NELL2: variants seen among roughly 807,000 people sequenced by gnomAD.
NELL2 encodes the protein protein kinase C-binding protein NELL2.
NELL2 carries 41 observed loss-of-function variants against 109.6 expected under a neutral mutation model. The ratio of observed to expected loss-of-function variants is 0.37; its 90% CI spans 0.29 to 0.49. NELL2 has a LOEUF of 0.49. Among genes scored for constraint, NELL2 ranks in the 20% least tolerant of loss-of-function variants. The probability of loss-of-function intolerance (pLI) is 0.98; values close to 1 mark genes in which losing one functional copy is unlikely to be tolerated. For missense variants in NELL2, 900 were observed against 1,008.3 expected, an observed-to-expected ratio of 0.89 and a Z score of 1.45; for synonymous variants, 355 against 344.7, an observed-to-expected ratio of 1.03 and a Z score of -0.33.
intron 18 of NELL2, among the ~76,000 whole-genome samples, chr12:44,520,736 A>G (rs1229390570): frequency 1.3e-5 from 2 of 151,262 alleles, no homozygotes; most frequent in East Asian, 1.9e-4. Flanking sequence ...AGAGACTTTG[A>G]AAAAAAAAGA....
chr12:44,687,985 T>A (rs181279231), intron 12 of NELL2, among the ~76,000 whole-genome samples: 47 of 152,320 alleles, frequency 3.1e-4, no homozygotes, highest in African/African-American at 1.1e-3. Flanking sequence ...TGCTTAATTC[T>A]AAGCAATTTC....
chr12:44,886,217 T>C (rs904045079), intron 1 of NELL2, among the ~76,000 whole-genome samples: 5 of 151,870 alleles, frequency 3.3e-5, no homozygotes, highest in Non-Finnish European at 7.4e-5. Flanking sequence ...TATAAGCTTA[T>C]GTGTAAAAGC....
intron 3 of NELL2, among the ~76,000 whole-genome samples, chr12:44,784,239 C>T (rs1942075833): frequency 6.6e-6 from 1 of 152,038 alleles, no homozygotes; most frequent in South Asian, 2.1e-4. Flanking sequence ...TGCTTTCTCT[C>T]TAACATCAGA....
intron 1 of NELL2, among the ~76,000 whole-genome samples, chr12:44,901,041 C>G (rs951598647): frequency 6.6e-6 from 1 of 151,842 alleles, no homozygotes; most frequent in Admixed American, 6.6e-5. Context: ...CAAGAAATAA[C>G]TAAGATCAGA....
At chr12:44,798,242 A>G (rs1376076760) in intron 3 of NELL2, among the ~76,000 whole-genome samples, 1 of 151,818 alleles carries the variant, frequency 6.6e-6, no homozygotes, top group Non-Finnish European at 1.5e-5. Context: ...TTTCAAATCT[A>G]TAAGGTATAA....
intron 3 of NELL2, among the ~76,000 whole-genome samples, chr12:44,784,512 C>G (rs569496546): frequency 5.5e-4 from 84 of 152,184 alleles, no homozygotes; most frequent in African/African-American, 1.8e-3. Context: ...AAGAAGGACT[C>G]CTCCCTAACT....
At chr12:44,553,269 T>C (rs10785502) in intron 15 of NELL2, among the ~76,000 whole-genome samples, 26 of 55,562 alleles carry the variant, frequency 4.7e-4, no homozygotes, top group East Asian at 9.2e-4. Context: ...TAAAGTATAA[T>C]AATAATAATA....
intron 12 of NELL2, among the ~76,000 whole-genome samples, chr12:44,687,411 C>G (rs891347416): frequency 6.6e-6 from 1 of 152,160 alleles, no homozygotes; most frequent in African/African-American, 2.4e-5. Flanking sequence ...TGTTCCTATT[C>G]GGCCATCTTG....
chr12:44,622,472 T>C (rs1946095257), intron 13 of NELL2, among the ~76,000 whole-genome samples: 1 of 152,156 alleles, frequency 6.6e-6, no homozygotes, highest in Non-Finnish European at 1.5e-5. Context: ...TTAAAAACTT[T>C]AAGGCCTGCT....
At chr12:44,758,121 G>A (rs1194153555) in intron 9 of NELL2, among the ~76,000 whole-genome samples, 1 of 151,878 alleles carries the variant, frequency 6.6e-6, no homozygotes, top group Non-Finnish European at 1.5e-5. Flanking sequence ...TGTTTTCAGC[G>A]TAATCTAAAG....
Position 44,776,036 on chromosome 12 carries a change from T to G in NELL2, c.877A>C (p.Asn293His). 6.2e-7 allele frequency: 1 copy of G among 1,613,886 alleles called. No homozygotes were observed. Among genetic ancestry groups the G allele is most frequent in the Non-Finnish European group, 8.5e-7 (1 of 1,179,918 alleles). ...EFESWIDGCK[N>H]CTCLNGTIQC... ...AGAAGCCATACCAGGCATGTGCAGT[T>G]CTTACAGCCGTCTATCCAGGACTCA... Residue 293 changes from asparagine to histidine, a missense_variant, in exon 8 of 20, where the codon AAC becomes CAC. Physicochemically the swap from Asn to His is moderately conservative, Grantham distance 68 (BLOSUM62 1). Around this residue, in one of 4 missense-constraint regions of NELL2, gnomAD observed 292 missense variants for 265.3 expected, o/e 1.10. Coordinates refer to ENST00000429094, the MANE Select transcript of NELL2 (RefSeq NM_001145108.2).
chr12:44,544,930 G>C (rs1300753940), intron 15 of NELL2, among the ~76,000 whole-genome samples: 2 of 152,058 alleles, frequency 1.3e-5, no homozygotes, highest in Non-Finnish European at 1.5e-5. Context: ...AAAGAGGTAA[G>C]GGCAGTCCTT....
intron 3 of NELL2, among the ~76,000 whole-genome samples, chr12:44,789,315 C>CCCAGTA (rs1246378395): frequency 6.6e-6 from 1 of 152,124 alleles, no homozygotes; most frequent in Non-Finnish European, 1.5e-5. Flanking sequence ...GCAGACAATC[C>CCCAGTA]CCAGTACCAG....
chr12:44,825,974 G>A (rs887875792), intron 2 of NELL2, among the ~76,000 whole-genome samples: 13 of 151,860 alleles, frequency 8.6e-5, no homozygotes, highest in South Asian at 2.1e-4. Flanking sequence ...CCTGGGAGGC[G>A]GAGGTTGCAG....
At chr12:44,639,359 C>G (rs749176360) in intron 13 of NELL2, among the ~76,000 whole-genome samples, 1 of 152,140 alleles carries the variant, frequency 6.6e-6, no homozygotes, top group Non-Finnish European at 1.5e-5. Flanking sequence ...TGTAAACTAA[C>G]CTCTTTCCAG....
At chr12:44,897,409 C>A (rs980430549) in intron 1 of NELL2, among the ~76,000 whole-genome samples, 7 of 152,072 alleles carry the variant, frequency 4.6e-5, no homozygotes, top group African/African-American at 1.7e-4. Flanking sequence ...GCATTTCCAA[C>A]TGAGGTGCCC....
At chr12:44,542,167 G>A (rs923572975) in intron 15 of NELL2, among the ~76,000 whole-genome samples, 2 of 152,088 alleles carry the variant, frequency 1.3e-5, no homozygotes, top group African/African-American at 4.8e-5. Flanking sequence ...GGACTAAATT[G>A]AGACAGAGAA....
chr12:44,564,521 G>A (rs1483236001), intron 15 of NELL2, among the ~76,000 whole-genome samples: 1 of 152,166 alleles, frequency 6.6e-6, no homozygotes, highest in Non-Finnish European at 1.5e-5. Flanking sequence ...TTTGCAGCAT[G>A]CTAGGCACTA....
At chr12:44,864,653 C>A (rs1046972547) in intron 2 of NELL2, among the ~76,000 whole-genome samples, 2 of 152,162 alleles carry the variant, frequency 1.3e-5, no homozygotes, top group Non-Finnish European at 2.9e-5. Context: ...CAGCAATGAA[C>A]AGATCATCCA....
Sources: allele counts gnomAD v4.1 joint callset (sites outside exome capture counted in the v4.1 genomes callset), GRCh38; gene constraint gnomAD v4.1.1; regional missense constraint gnomAD v4.1.1; transcripts MANE v1.5; gene names NCBI Gene and HGNC (gene_info 2026-07-23, HGNC 2026-07-21).